The following MALL variants were observed in gnomAD, a reference collection of about 807,000 sequenced individuals.
The protein encoded by MALL is mal, T cell differentiation protein like, also known as MAL-like protein.
Under a neutral mutation model 10.3 loss-of-function variants are expected in MALL, and 2 were observed. That is an observed-to-expected ratio of 0.19 (90% confidence interval 0.08 to 0.61). The LOEUF is 0.61. Among genes scored for constraint, MALL ranks in the 20% least tolerant of loss-of-function variants. The pLI is 0.88. For synonymous variants in MALL, 27 were observed against 51.8 expected, an observed-to-expected ratio of 0.52 and a Z score of 2.05; for missense variants, 39 against 115.2, an observed-to-expected ratio of 0.34 and a Z score of 3.03.
intron 1 of MALL, among the ~76,000 whole-genome samples, chr2:110,106,410 A>G (rs73954604): frequency 0.044 from 6,683 of 152,222 alleles, 479 homozygotes; most frequent in African/African-American, 0.15. Context: ...GGCTCCCCCA[A>G]GGCACACACA....
chr2:110,116,855 T>C (rs1446740398), upstream of MALL, among the ~76,000 whole-genome samples: 1 of 152,158 alleles, frequency 6.6e-6, no homozygotes, highest in Non-Finnish European at 1.5e-5. Flanking sequence ...TGCTGCTCCC[T>C]GGTGTGGAGA....
intron 1 of MALL, among the ~76,000 whole-genome samples, chr2:110,094,796 G>C (rs1473598232): frequency 8.7e-5 from 1 of 11,462 alleles, no homozygotes; most frequent in African/African-American, 4.0e-4. Flanking sequence ...TACAGTCCCA[G>C]CCAAGGTCTG....
At chr2:110,095,342 T>C (rs1678418437) in intron 1 of MALL, among the ~76,000 whole-genome samples, 1 of 152,188 alleles carries the variant, frequency 6.6e-6, no homozygotes, top group Non-Finnish European at 1.5e-5. Flanking sequence ...AATATTTGAT[T>C]ACAGCGAGCC....
At chr2:110,105,146 G>T (rs1023020151) in intron 1 of MALL, among the ~76,000 whole-genome samples, 9 of 152,184 alleles carry the variant, frequency 5.9e-5, no homozygotes. Context: ...CCTGCCCAGG[G>T]TCTCACAGCA....
rs1394400832 is a variant in MALL, at chr2:110,115,796, G to C, written c.-4C>G. 8.0e-7 allele frequency: 1 copy of C among 1,251,498 alleles called. No homozygotes were observed. The highest frequency in any genetic ancestry group is 1.5e-5 in the African/African-American group (1 of 64,680). 77.5% of individuals were successfully genotyped at this position (1,251,498 alleles called of 1,614,324 possible). A position where few individuals can be genotyped will look rare whatever the true frequency, so the allele number is the denominator to read the frequency against. Reference sequence around the variant, plus strand: ...CGGGCGGGTCGGGCGAGGCCATGCTGTCAGCCCCTGCCGGGTGCTCCGCGG... The same window carrying C: ...CGGGCGGGTCGGGCGAGGCCATGCTCTCAGCCCCTGCCGGGTGCTCCGCGG... On this transcript the variant is annotated 5_prime_UTR_variant, in exon 1 of 4. Coordinates refer to ENST00000272462, the MANE Select transcript of MALL (RefSeq NM_005434.5).
intron 1 of MALL, among the ~76,000 whole-genome samples, chr2:110,100,603 G>A (rs1264893376): frequency 1.3e-5 from 2 of 152,144 alleles, no homozygotes; most frequent in African/African-American, 2.4e-5. Flanking sequence ...CGCCTGTAGT[G>A]TACCAGGTTG....
chr2:110,100,760 C>T (rs1030854910), intron 1 of MALL, among the ~76,000 whole-genome samples: 1 of 152,110 alleles, frequency 6.6e-6, no homozygotes, highest in Non-Finnish European at 1.5e-5. Flanking sequence ...CCCAGCCTGG[C>T]GGCTGCAGCA....
In MALL at chr2:110,115,732, C is replaced by T; in HGVS notation, c.61G>A (p.Ala21Thr). The change falls in exon 1 of 4, where the codon GCG becomes ACG. Residue 21 changes from alanine to threonine, a missense_variant. Ala to Thr is a moderately conservative substitution (Grantham distance 58, BLOSUM62 0). Coordinates refer to ENST00000272462, the MANE Select transcript of MALL (RefSeq NM_005434.5). ...GCGAAAGGGATGGTGAGGAACAGCG[C>T]GACCCCCGAGGGCACGTCGGACGGG... The part of the protein sequence containing the change: ...YAPSDVPSGV[A>T]LFLTIPFAFF... The T allele has an allele frequency of 3.9e-6, 5 of 1,292,778 alleles. No individual in the cohort carries two copies. The highest frequency in any genetic ancestry group is 4.9e-6 in the Non-Finnish European group (5 of 1,012,806). The allele number at this position is 1,292,778 out of a possible 1,614,324, so 80.1% of individuals were successfully genotyped here. A position where few individuals can be genotyped will look rare whatever the true frequency, so the allele number is the denominator to read the frequency against.
chr2:110,115,891 G>A (rs62160543), upstream of MALL: 1 of 423,430 alleles, frequency 2.4e-6, no homozygotes, highest in Non-Finnish European at 3.8e-6. Flanking sequence ...TCGCCTGGGA[G>A]GGAAAAAAAA....
chr2:110,106,292 A>G (rs1270238717), intron 1 of MALL, among the ~76,000 whole-genome samples: 2 of 152,138 alleles, frequency 1.3e-5, no homozygotes, highest in Admixed American at 6.5e-5. Context: ...GCTTATAAAA[A>G]AGCTGATGAG....
intron 1 of MALL, among the ~76,000 whole-genome samples, chr2:110,096,710 TACACAC>T (rs61332655): frequency 3.0e-4 from 42 of 140,860 alleles, no homozygotes; most frequent in Admixed American, 1.7e-3. Flanking sequence ...AAAATGTACC[TACACAC>T]ACACACACAC....
chr2:110,113,825 C>T lies in MALL; in HGVS notation c.105+1863G>A, dbSNP rs570259443. On this transcript the variant is annotated intron_variant, in intron 1 of 3. Coordinates refer to ENST00000272462, the MANE Select transcript of MALL (RefSeq NM_005434.5). ...TTTCCTGATTTCAAGAGTTGTACCA[C>T]GGAAGATGCAGGCATTACCAGCAGC... 1.3e-3 allele frequency among the ~76,000 whole-genome samples: 193 copies of T among 152,198 alleles called. 1 individual carries two copies. The highest frequency in any genetic ancestry group is 4.5e-3 in the African/African-American group (185 of 41,528).
At chr2:110,096,752 C>T (rs1678449175) in intron 1 of MALL, among the ~76,000 whole-genome samples, 1 of 148,584 alleles carries the variant, frequency 6.7e-6, no homozygotes, top group Non-Finnish European at 1.5e-5. Context: ...CAATTTTTGC[C>T]TACGAATCTG....
upstream of MALL, among the ~76,000 whole-genome samples, chr2:110,117,809 G>A (rs1481460996): frequency 6.6e-6 from 1 of 151,950 alleles, no homozygotes; most frequent in East Asian, 1.9e-4. Flanking sequence ...AGGGGCTAAG[G>A]AAGGAAAGAA....
rs77569960 is a variant in MALL, at chr2:110,097,835, C to T, written c.106-6065G>A. On this transcript the variant is annotated intron_variant, in intron 1 of 3. Coordinates refer to ENST00000272462, the MANE Select transcript of MALL (RefSeq NM_005434.5). Reference sequence around the variant, plus strand: ...CAACCCCAAATTCCTTTTCTTACTGCGTCTCTTAATTTTTATGACAGCTTT... The same window carrying T: ...CAACCCCAAATTCCTTTTCTTACTGTGTCTCTTAATTTTTATGACAGCTTT... Among the ~76,000 whole-genome samples, 671 of 152,160 alleles carry T rather than the reference C, an allele frequency of 4.4e-3. 4 individuals carry two copies. Among genetic ancestry groups the T allele is most frequent in the African/African-American group, 0.015 (620 of 41,522 alleles).
At position 110,115,612 on chromosome 2, in the gene MALL, T is replaced by G. The variant is rs1428732102; in HGVS notation, c.105+76A>C. ...CGGTCCGGTCTGGGTCTCTCTCTTC[T>G]CGGTCCGGTCTGGGTCCGAGGCCGG... On this transcript the variant is annotated intron_variant, in intron 1 of 3. Coordinates refer to ENST00000272462, the MANE Select transcript of MALL (RefSeq NM_005434.5). 27 of 683,944 alleles carry G rather than the reference T, an allele frequency of 3.9e-5. No homozygotes were observed. In the African/African-American group the frequency reaches 4.1e-4, roughly 10 times the overall value. The allele number at this position is 683,944 out of a possible 1,614,324, so 42.4% of individuals were successfully genotyped here. A position where few individuals can be genotyped will look rare whatever the true frequency, so the allele number is the denominator to read the frequency against.
intron 1 of MALL, among the ~76,000 whole-genome samples, chr2:110,114,597 C>T (rs1006287850): frequency 6.6e-6 from 1 of 151,608 alleles, no homozygotes; most frequent in African/African-American, 2.4e-5. Context: ...CAGCTGGAGC[C>T]ACTCAGATCC....
intron 1 of MALL, among the ~76,000 whole-genome samples, chr2:110,092,727 A>AATG (rs2104378392): frequency 7.5e-6 from 1 of 133,038 alleles, no homozygotes; most frequent in South Asian, 2.4e-4. Flanking sequence ...TAATAATAAT[A>AATG]ATAATAATAA....
chr2:110,116,833 C>G (rs1418919771), upstream of MALL, among the ~76,000 whole-genome samples: 1 of 152,222 alleles, frequency 6.6e-6, no homozygotes, highest in East Asian at 1.9e-4. Flanking sequence ...AGGGTCCCTT[C>G]TTCCTGCCCC....
Sources: gnomAD v4.1 joint callset for allele counts (sites outside exome capture counted in the v4.1 genomes callset) on GRCh38, gnomAD v4.1.1 for gene constraint, MANE v1.5 for transcripts, NCBI Gene and HGNC (gene_info 2026-07-23, HGNC 2026-07-21) for gene names.